Variants in IL1RL2 observed in about 807,000 individuals in gnomAD.
The protein encoded by IL1RL2 is interleukin-1 receptor-like 2.
IL1RL2 carries 68 observed loss-of-function variants against 66.8 expected under a neutral mutation model. The ratio of observed to expected loss-of-function variants is 1.02; its 90% CI spans 0.84 to 1.25. The LOEUF (loss-of-function observed/expected upper bound fraction) is 1.25. IL1RL2 is among the 50% of genes most tolerant of loss of function. IL1RL2 has a pLI of 0.00. For missense variants in IL1RL2, 729 were observed against 709.3 expected (o/e 1.03, Z -0.32); for synonymous variants, 305 against 264.6 (o/e 1.15, Z -1.48).
chr2:102,220,485 T>C (rs1477270925), intron 8 of IL1RL2, among the ~76,000 whole-genome samples: 1 of 152,212 alleles, frequency 6.6e-6, no homozygotes, highest in African/African-American at 2.4e-5. Flanking sequence ...AATTGCACTC[T>C]GAGTACCGTA....
chr2:102,195,219 G>T (rs1177895599), intron 4 of IL1RL2, among the ~76,000 whole-genome samples: 2 of 152,104 alleles, frequency 1.3e-5, no homozygotes, highest in Admixed American at 6.5e-5. Context: ...TTCTACTCTG[G>T]TAATGAGGTC....
Position 102,187,904 on chromosome 2 carries a change from C to G in IL1RL2, c.37C>G (p.Leu13Val), listed in dbSNP as rs754288253. 12 of 1,614,066 alleles carry G rather than the reference C, an allele frequency of 7.4e-6. No homozygotes were observed. In the African/African-American group the frequency reaches 1.6e-4, roughly 22 times the overall value. The change falls in exon 2 of 12, where the codon CTT becomes GTT. Residue 13 changes from leucine to valine, a missense_variant. Physicochemically the swap from Leu to Val is conservative, Grantham distance 32. Transcript: ENST00000264257. ...SLLLCGLSIALPLSVTADGCK... is the reference protein window; with the variant it reads ...SLLLCGLSIAVPLSVTADGCK... ...GCTGCTCTGCGGGTTGTCCATCGCC[C>G]TTCCACTGTCTGTCACAGCAGGTAC...
chr2:102,208,342 T>A (rs1204681708), intron 5 of IL1RL2, among the ~76,000 whole-genome samples: 1 of 152,190 alleles, frequency 6.6e-6, no homozygotes, highest in East Asian at 1.9e-4. Context: ...TTTACAGAGT[T>A]CCAGGAGGGG....
Position 102,234,959 on chromosome 2 carries a change from C to T in IL1RL2, c.1360C>T (p.Pro454Ser), listed in dbSNP as rs1483540313. The T allele has an allele frequency of 1.2e-6, 2 of 1,614,100 alleles. No homozygotes were observed. The highest frequency in any genetic ancestry group is 1.1e-5 in the South Asian group (1 of 91,076). The change falls in exon 11 of 12, where the codon CCC becomes TCC. Residue 454 changes from proline to serine, a missense_variant. Transcript: ENST00000264257. ...LCRRLIVIVV[P>S]ESLGFGLLKN... ...CAGGAGGCTGATTGTCATTGTGGTC[C>T]CCGAATCGCTGGGCTTTGGCCTGTT...
chr2:102,232,596 A>G (rs909545794), intron 9 of IL1RL2, among the ~76,000 whole-genome samples: 4 of 152,174 alleles, frequency 2.6e-5, no homozygotes, highest in African/African-American at 9.7e-5. Context: ...TATTACAGCC[A>G]TGCACCACTG....
intron 5 of IL1RL2, among the ~76,000 whole-genome samples, chr2:102,207,516 G>A (rs1018069846): frequency 3.3e-5 from 5 of 152,090 alleles, no homozygotes; most frequent in Non-Finnish European, 7.4e-5. Flanking sequence ...CTGGCCCATG[G>A]TATGTCTGTA....
chr2:102,241,740 A>G (rs1675236564), downstream of IL1RL2, among the ~76,000 whole-genome samples: 1 of 152,238 alleles, frequency 6.6e-6, no homozygotes. Context: ...TGTGTAAGAG[A>G]TTAGATAACC....
chr2:102,201,555 G>A lies in IL1RL2; in HGVS notation c.490-1G>A, dbSNP rs1003582671. ...TTGAATTTTGTTTTTATTTGTATTA[G>A]GACTGTAACGAGATTAAAGGGGAGC... is the stretch of plus-strand genomic sequence containing the variant. On this transcript the variant is annotated splice_acceptor_variant, in intron 4 of 11. Transcript: ENST00000264257. LOFTEE classifies it high-confidence loss of function. The A allele has an allele frequency of 1.2e-6, 2 of 1,613,642 alleles. No individual in the cohort carries two copies. The highest frequency in any genetic ancestry group is 4.5e-5 in the East Asian group (2 of 44,888).
At chr2:102,237,741 G>A (rs1448419973) in intron 11 of IL1RL2, among the ~76,000 whole-genome samples, 4 of 152,192 alleles carry the variant, frequency 2.6e-5, no homozygotes, top group South Asian at 2.1e-4. Flanking sequence ...TGGCATCACC[G>A]CTGACATGTA....
At position 102,234,961 on chromosome 2, in the gene IL1RL2, C is replaced by G. The variant is rs556319990; in HGVS notation, c.1362C>G (p.Pro454=). Residue 454 remains proline, a synonymous_variant, in exon 11 of 12, where the codon CCC becomes CCG. Coordinates refer to ENST00000264257, the MANE Select transcript of IL1RL2 (RefSeq NM_003854.4). Reference sequence around the variant, plus strand: ...GGAGGCTGATTGTCATTGTGGTCCCCGAATCGCTGGGCTTTGGCCTGTTGA... The same window carrying G: ...GGAGGCTGATTGTCATTGTGGTCCCGGAATCGCTGGGCTTTGGCCTGTTGA... ...LCRRLIVIVV[P]ESLGFGLLKN... The G allele has an allele frequency of 5.0e-6, 8 of 1,614,124 alleles. No homozygotes were observed. In the South Asian group the frequency reaches 6.6e-5, roughly 13 times the overall value.
At chr2:102,218,881 T>C (rs756329247) in intron 6 of IL1RL2, 72 bp from the exon 7 acceptor site, 2 of 1,351,234 alleles carry the variant, frequency 1.5e-6, no homozygotes, top group Non-Finnish European at 2.1e-6. Flanking sequence ...GATGCACTTG[T>C]AATCCAGATG....
intron 6 of IL1RL2, among the ~76,000 whole-genome samples, chr2:102,217,163 C>T (rs1268949368): frequency 1.3e-5 from 2 of 152,116 alleles, no homozygotes; most frequent in Admixed American, 6.5e-5. Flanking sequence ...GCAATGAATT[C>T]CCTTAGTTTT....
At position 102,187,057 on chromosome 2, in the gene IL1RL2, A is replaced by T. The variant is rs1184563424; in HGVS notation, c.-42A>T. On this transcript the variant is annotated 5_prime_UTR_variant, in exon 1 of 12. Coordinates refer to ENST00000264257, the MANE Select transcript of IL1RL2 (RefSeq NM_003854.4). ...CCTGTCATATTTTCCACTCTCCACG[A>T]GGTCCTGCGCGCTTCAATCCTGCAG... is the stretch of plus-strand genomic sequence containing the variant. The T allele has an allele frequency of 7.0e-6, 9 of 1,289,746 alleles. No homozygotes were observed. Among genetic ancestry groups the T allele is most frequent in the Non-Finnish European group, 8.1e-6 (8 of 988,866 alleles). 79.9% of individuals were successfully genotyped at this position (1,289,746 alleles called of 1,614,324 possible). A position where few individuals can be genotyped will look rare whatever the true frequency, so the allele number is the denominator to read the frequency against.
chr2:102,187,460 C>T, intron 1 of IL1RL2: 1 of 976,740 alleles, frequency 1.0e-6, no homozygotes, highest in Non-Finnish European at 1.3e-6. Flanking sequence ...GCGCCGCGAG[C>T]GGGGTTGGGG....
chr2:102,234,920 A>G lies in IL1RL2; in HGVS notation c.1321A>G (p.Asn441Asp), dbSNP rs145846058. 5 of 1,612,112 alleles carry G rather than the reference A, an allele frequency of 3.1e-6. No homozygotes were observed. Among genetic ancestry groups the G allele is most frequent in the Non-Finnish European group, 4.2e-6 (5 of 1,178,434 alleles). ...AGCCGTGGCCAATGTCATCGATGAA[A>G]ACGTTAAGCTGTGCAGGAGGCTGAT... ...GQAVANVIDE[N>D]VKLCRRLIVI... Residue 441 changes from asparagine (N) to aspartate (D), a missense_variant, in exon 11 of 12, where the codon AAC becomes GAC. Asn to Asp is a conservative substitution (Grantham distance 23, BLOSUM62 1). Transcript: ENST00000264257.
chr2:102,195,691 T>A (rs1687717871), intron 4 of IL1RL2, among the ~76,000 whole-genome samples: 1 of 135,788 alleles, frequency 7.4e-6, no homozygotes, highest in Admixed American at 7.8e-5. Context: ...TTCTTCTTTC[T>A]TCCTTCCTTC....
chr2:102,195,609 CTTTCTTTCTTTCTT>C (rs1687649125), intron 4 of IL1RL2, among the ~76,000 whole-genome samples: 5 of 17,906 alleles, frequency 2.8e-4, no homozygotes, highest in Non-Finnish European at 6.7e-4. Context: ...TTCTTTCTTT[CTTTCTTTCTTTCTT>C]TCTTTCTCTC....
chr2:102,223,625 C>A (rs767356781), intron 8 of IL1RL2, among the ~76,000 whole-genome samples: 17 of 152,184 alleles, frequency 1.1e-4, no homozygotes, highest in African/African-American at 4.1e-4. Flanking sequence ...TCAGTACTCT[C>A]GAAGGCAATG....
chr2:102,234,816 T>C (rs981774438), intron 10 of IL1RL2, 81 bp from the exon 11 acceptor site: 4 of 1,313,996 alleles, frequency 3.0e-6, no homozygotes, highest in African/African-American at 1.5e-5. Context: ...TCTCCTGGCC[T>C]GTTTCAAACA....
Sources: allele counts gnomAD v4.1 joint callset (sites outside exome capture counted in the v4.1 genomes callset), GRCh38; gene constraint gnomAD v4.1.1; transcripts MANE v1.5; gene names NCBI Gene and HGNC (gene_info 2026-07-23, HGNC 2026-07-21).